Variants in NAPA observed in about 807,000 individuals in gnomAD.
The protein encoded by NAPA is alpha-soluble NSF attachment protein.
In NAPA, 18 loss-of-function variants were observed where a neutral mutation model predicts 48.0. The ratio of observed to expected loss-of-function variants is 0.38; its 90% CI spans 0.26 to 0.56. The LOEUF is 0.56. Ranked by LOEUF, NAPA falls within the 20% of genes least tolerant of loss-of-function variation. NAPA has a pLI of 0.77. For synonymous variants in NAPA, 152 were observed against 149.9 expected, an observed-to-expected ratio of 1.01 and a Z score of -0.10; for missense variants, 315 against 385.0, an observed-to-expected ratio of 0.82 and a Z score of 1.52.
At chr19:47,499,668 G>T (rs1968522575) in intron 3 of NAPA, among the ~76,000 whole-genome samples, 1 of 152,218 alleles carries the variant, frequency 6.6e-6, no homozygotes, top group Non-Finnish European at 1.5e-5. Context: ...AGAGCTACTG[G>T]TCAACACAAA....
chr19:47,490,874 G>A lies in NAPA; in HGVS notation c.667-18C>T. 6.2e-7 allele frequency: 1 copy of A among 1,611,450 alleles called. No individual in the cohort carries two copies. The highest frequency in any genetic ancestry group is 8.5e-7 in the Non-Finnish European group (1 of 1,178,258). On this transcript the variant is annotated intron_variant, in intron 8 of 10. Transcript: ENST00000263354. ...ACAGCCAGCTGGGCAGCAGGGAAGG[G>A]AGAAGATGAGTTAGTAACAAGAGGG...
chr19:47,509,741 TA>T (rs1421914997), intron 1 of NAPA, among the ~76,000 whole-genome samples: 17 of 152,062 alleles, frequency 1.1e-4, no homozygotes, highest in African/African-American at 4.1e-4. Context: ...TCAAAATACA[TA>T]CAGGCCCACG....
In NAPA at chr19:47,502,237, C is replaced by CAA. The variant is rs55762206; in HGVS notation, c.178+1184_178+1185dup. Among the ~76,000 whole-genome samples the CAA allele has an allele frequency of 2.2e-3, 136 of 62,454 alleles. 1 individual carries two copies. Among genetic ancestry groups the CAA allele is most frequent in the African/African-American group, 8.0e-3 (113 of 14,074 alleles). 41.0% of individuals were successfully genotyped at this position (62,454 alleles called of 152,430 possible). A position where few individuals can be genotyped will look rare whatever the true frequency, so the allele number is the denominator to read the frequency against. Reference sequence around the variant, plus strand: ...GCCTGGCAACAGAGCAAGACTGTCTCAAAAAAAAAAAAAAAAAAAAAAAAA... The same window carrying CAA: ...GCCTGGCAACAGAGCAAGACTGTCTCAAAAAAAAAAAAAAAAAAAAAAAAAAA... On this transcript the variant is annotated intron_variant, in intron 2 of 10. Transcript: ENST00000263354.
chr19:47,497,140 G>C, intron 3 of NAPA: 1 of 219,134 alleles, frequency 4.6e-6, no homozygotes, highest in Non-Finnish European at 9.5e-6. Context: ...GGAGTGAGGT[G>C]AGAGGCCCGC....
In NAPA at chr19:47,488,364, C is replaced by G; in HGVS notation, c.812G>C (p.Arg271Pro). The change falls in exon 11 of 11, where the codon CGG becomes CCG. Residue 271 changes from arginine (R) to proline (P), a missense_variant. By Grantham distance (103) the Arg-to-Pro change is moderately radical. This residue lies in a region of NAPA where 137 missense variants were observed against 150.1 expected (regional missense o/e 0.91). Transcript: ENST00000263354. ...ESVKEYDSIS[R>P]LDQWLTTMLL... ...CATGGTGGTGAGCCACTGGTCCAGC[C>G]GGGAGATGGAGTCGTATTCCTTCAC... 1.2e-6 allele frequency: 2 copies of G among 1,613,464 alleles called. No individual in the cohort carries two copies. The highest frequency in any genetic ancestry group is 1.7e-6 in the Non-Finnish European group (2 of 1,179,626).
At chr19:47,490,125 GTGT>G (rs1158082767) in intron 9 of NAPA, among the ~76,000 whole-genome samples, 6 of 149,104 alleles carry the variant, frequency 4.0e-5, no homozygotes, top group Non-Finnish European at 6.0e-5. Flanking sequence ...TGTTTGGTGT[GTGT>G]TGAGTTGCGT....
At position 47,492,069 on chromosome 19, in the gene NAPA, G is replaced by A; in HGVS notation, c.612C>T (p.Asp204=). Residue 204 remains aspartate (D), a synonymous_variant, in exon 8 of 11, where the codon GAC becomes GAT. Coordinates refer to ENST00000263354, the MANE Select transcript of NAPA (RefSeq NM_003827.4). ...GGCAGAGGGCCGCCTTGAAGAAGTA[G>A]TCTTTGGCGCTGTACTTGAGGAGGG... is the stretch of plus-strand genomic sequence containing the variant. ...DSPLLKYSAK[D]YFFKAALCHF... is the part of the protein sequence containing the mutation. 6.2e-7 allele frequency: 1 copy of A among 1,614,172 alleles called. No individual in the cohort carries two copies. The highest frequency in any genetic ancestry group is 2.2e-5 in the East Asian group (1 of 44,874).
intron 10 of NAPA, chr19:47,489,464 G>A (rs1178910063): frequency 1.2e-5 from 7 of 568,548 alleles, no homozygotes; most frequent in Middle Eastern, 4.7e-4. Flanking sequence ...CTCTGTCCCT[G>A]AGGGGCCAAG....
At chr19:47,490,113 GGT>G (rs986961997) in intron 9 of NAPA, among the ~76,000 whole-genome samples, 11 of 147,814 alleles carry the variant, frequency 7.4e-5, no homozygotes, top group African/African-American at 2.5e-4. Flanking sequence ...GGGCACGTGT[GGT>G]GTTTGGTGTG....
intron 1 of NAPA, among the ~76,000 whole-genome samples, chr19:47,510,292 T>G (rs1968781847): frequency 6.6e-6 from 1 of 152,242 alleles, no homozygotes; most frequent in Admixed American, 6.5e-5. Flanking sequence ...GTCCCGCCGT[T>G]ATTGCCTACA....
chr19:47,507,919 GTCC>G (rs1236073250), intron 1 of NAPA, among the ~76,000 whole-genome samples: 1 of 152,186 alleles, frequency 6.6e-6, no homozygotes, highest in East Asian at 1.9e-4. Context: ...TGGGGATCCA[GTCC>G]TGCCCTTGCC....
chr19:47,492,404 CCTGG>C (rs1968295528), intron 7 of NAPA: 1 of 459,402 alleles, frequency 2.2e-6, no homozygotes, highest in Non-Finnish European at 4.0e-6. Flanking sequence ...AAGGAGGCAG[CCTGG>C]CTGTCAGGAC....
At chr19:47,495,399 A>C in intron 4 of NAPA, 151 bp downstream of exon 4, 1 of 837,136 alleles carries the variant, frequency 1.2e-6, no homozygotes, top group Non-Finnish European at 2.0e-6. Flanking sequence ...AGGCCAGCTC[A>C]GGTGACCTAA....
At chr19:47,503,593 C>T (rs1288721453) in intron 1 of NAPA, 91 bp from the exon 2 acceptor site, 1 of 1,215,092 alleles carries the variant, frequency 8.2e-7, no homozygotes, top group Non-Finnish European at 1.2e-6. Flanking sequence ...CACAGACGTG[C>T]CCCTACCCCT....
chr19:47,502,058 T>C (rs770203483), intron 2 of NAPA, among the ~76,000 whole-genome samples: 3 of 151,612 alleles, frequency 2.0e-5, no homozygotes, highest in Non-Finnish European at 4.4e-5. Flanking sequence ...CTGGACAACA[T>C]GGTAAAACTC....
chr19:47,493,506 C>T lies in NAPA; in HGVS notation c.343-13G>A. The T allele has an allele frequency of 6.2e-7, 1 of 1,613,022 alleles. No homozygotes were observed. Reference sequence around the variant, plus strand: ...TCGTGAATCGGCCCTGGAGGGGACACAGGAAGGGGCTGCCTGCGACTCATG... The same window carrying T: ...TCGTGAATCGGCCCTGGAGGGGACATAGGAAGGGGCTGCCTGCGACTCATG... On this transcript the variant is annotated splice_polypyrimidine_tract_variant and intron_variant, in intron 4 of 10. Coordinates refer to ENST00000263354, the MANE Select transcript of NAPA (RefSeq NM_003827.4). This position sits in a 1 kb window ranked among gnomAD's most constrained non-coding sequence, Gnocchi z 6.4.
Position 47,489,402 on chromosome 19 carries a change from A to G in NAPA, c.786+309T>C, listed in dbSNP as rs536359653. On this transcript the variant is annotated intron_variant, in intron 10 of 10. Coordinates refer to ENST00000263354, the MANE Select transcript of NAPA (RefSeq NM_003827.4). ...TGAGTCTCACACACTCACCTGGGGGACTCAAGGAACCCTGGTCTTCAGAGG... is the reference window on the plus strand; with the variant it reads ...TGAGTCTCACACACTCACCTGGGGGGCTCAAGGAACCCTGGTCTTCAGAGG... The G allele has an allele frequency of 1.9e-5, 8 of 426,354 alleles. No homozygotes were observed. In the East Asian group the frequency reaches 2.3e-4, roughly 12 times the overall value. The allele number at this position is 426,354 out of a possible 1,614,324, so 26.4% of individuals were successfully genotyped here.
At chr19:47,508,670 T>C (rs1256508228) in intron 1 of NAPA, among the ~76,000 whole-genome samples, 1 of 142,112 alleles carries the variant, frequency 7.0e-6, no homozygotes, top group East Asian at 2.0e-4. Flanking sequence ...TCCCTGAGGC[T>C]TTTTTTTTTT....
At chr19:47,501,040 G>A (rs1416757528) in intron 2 of NAPA, among the ~76,000 whole-genome samples, 1 of 152,162 alleles carries the variant, frequency 6.6e-6, no homozygotes, top group African/African-American at 2.4e-5. Flanking sequence ...CAGGTATATG[G>A]AAAGAGAGCC....
Sources: gnomAD v4.1 joint callset for allele counts (sites outside exome capture counted in the v4.1 genomes callset) on GRCh38, gnomAD v4.1.1 for gene constraint, gnomAD v4.1.1 regional missense constraint, Gnocchi (gnomAD v3.1) non-coding constraint, MANE v1.5 for transcripts, NCBI Gene and HGNC (gene_info 2026-07-23, HGNC 2026-07-21) for gene names.